The following FMNL2 variants were observed in gnomAD, a reference collection of about 807,000 sequenced individuals.
FMNL2 encodes the protein formin-like protein 2.
A neutral mutation model predicts 130.2 loss-of-function variants in FMNL2; 51 were observed. That is an observed-to-expected ratio of 0.39 (90% confidence interval 0.31 to 0.49). The LOEUF is 0.49. Ranked by LOEUF, FMNL2 falls within the 20% of genes least tolerant of loss-of-function variation. The pLI is 0.85. For missense variants in FMNL2, 977 were observed against 1,316.2 expected, an observed-to-expected ratio of 0.74 and a Z score of 3.99; for synonymous variants, 465 against 467.1, an observed-to-expected ratio of 1.00 and a Z score of 0.06.
chr2:152,355,494 T>G (rs1682732069), intron 1 of FMNL2, among the ~76,000 whole-genome samples: 1 of 152,202 alleles, frequency 6.6e-6, no homozygotes, highest in Non-Finnish European at 1.5e-5. Context: ...TTTAGGTTTT[T>G]CTCATGTCCC....
chr2:152,552,913 T>C (rs1695015129), intron 4 of FMNL2, among the ~76,000 whole-genome samples: 1 of 152,232 alleles, frequency 6.6e-6, no homozygotes, highest in South Asian at 2.1e-4. Context: ...AGGGAATTTA[T>C]TGTAGTAAAG....
rs144808799 is a variant in FMNL2 at position 152,379,736 on chromosome 2, A to T, written c.117+44016A>T. Reference sequence around the variant, plus strand: ...TGCCCTGTCAATAGCTTTATTATGTATGGCAAACACAATGCTAAGAAAACT... The same window carrying T: ...TGCCCTGTCAATAGCTTTATTATGTTTGGCAAACACAATGCTAAGAAAACT... On this transcript the variant is annotated intron_variant, in intron 1 of 25. Transcript: ENST00000288670. Among the ~76,000 whole-genome samples, 68 of 152,336 alleles carry T rather than the reference A, an allele frequency of 4.5e-4. 1 individual carries two copies. The highest frequency in any genetic ancestry group is 1.6e-3 in the African/African-American group (67 of 41,584).
chr2:152,569,523 A>G (rs1026317068), intron 6 of FMNL2, among the ~76,000 whole-genome samples: 1 of 149,368 alleles, frequency 6.7e-6, no homozygotes. Context: ...ATTTCTTAAA[A>G]GATATTTGCT....
At position 152,644,248 on chromosome 2, in the gene FMNL2, T is replaced by TA. The variant is rs1235702903; in HGVS notation, c.3169+3335dup. Among the ~76,000 whole-genome samples, 20 of 152,234 alleles carry TA rather than the reference T, an allele frequency of 1.3e-4. No homozygotes were observed. The East Asian group carries it at 3.7e-3, about 28-fold the overall frequency. On this transcript the variant is annotated intron_variant, in intron 25 of 25. Transcript: ENST00000288670. ...AAAAACAAAAACAAAAAACAAAACA[T>TA]ACTGTTCTAAGTAGGTTTACAGATA...
intron 1 of FMNL2, among the ~76,000 whole-genome samples, chr2:152,503,983 A>C (rs973512725): frequency 2.6e-5 from 4 of 152,172 alleles, no homozygotes; most frequent in Non-Finnish European, 5.9e-5. Context: ...TGAGATCAGG[A>C]GTTTGAGACC....
Position 152,487,874 on chromosome 2 carries a change from A to G in FMNL2, c.118-34069A>G, listed in dbSNP as rs180807343. ...GTGATCTTGGCTCACTGCAACCTCC[A>G]TCTCCTGGGTTCAAGTGATGCATGT... On this transcript the variant is annotated intron_variant, in intron 1 of 25. Coordinates refer to ENST00000288670, the MANE Select transcript of FMNL2 (RefSeq NM_052905.4). Among the ~76,000 whole-genome samples, 600 of 150,604 alleles carry G rather than the reference A, an allele frequency of 4.0e-3. 6 individuals are homozygous for G. Among genetic ancestry groups the G allele is most frequent in the African/African-American group, 0.014 (587 of 40,856 alleles).
At chr2:152,498,077 C>T (rs1015063693) in intron 1 of FMNL2, among the ~76,000 whole-genome samples, 1 of 152,186 alleles carries the variant, frequency 6.6e-6, no homozygotes, top group Admixed American at 6.5e-5. Context: ...CAGACCCACC[C>T]AGGATAATCC....
intron 15 of FMNL2, among the ~76,000 whole-genome samples, chr2:152,624,787 T>A (rs1342653232): frequency 2.0e-5 from 3 of 152,200 alleles, no homozygotes; most frequent in Non-Finnish European, 2.9e-5. Flanking sequence ...CAGCGAGCCA[T>A]GATTGCGGCA....
At chr2:152,380,487 T>C (rs2105894429) in intron 1 of FMNL2, among the ~76,000 whole-genome samples, 2 of 152,354 alleles carry the variant, frequency 1.3e-5, no homozygotes, top group African/African-American at 4.8e-5. Flanking sequence ...TTAAAATGTT[T>C]CACAATTTTG....
intron 2 of FMNL2, among the ~76,000 whole-genome samples, chr2:152,533,396 C>T (rs1693815371): frequency 1.3e-5 from 2 of 152,030 alleles, no homozygotes; most frequent in South Asian, 4.1e-4. Context: ...TCATGAACTA[C>T]CTTGGTATCT....
intron 2 of FMNL2, among the ~76,000 whole-genome samples, chr2:152,523,003 G>A (rs1300689779): frequency 5.9e-5 from 9 of 152,018 alleles, no homozygotes; most frequent in East Asian, 1.9e-4. Flanking sequence ...ACACCCCCGG[G>A]CCCCAATGCC....
At chr2:152,579,820 A>G (rs938926520) in intron 8 of FMNL2, among the ~76,000 whole-genome samples, 1 of 152,276 alleles carries the variant, frequency 6.6e-6, no homozygotes, top group Admixed American at 6.5e-5. Context: ...CGTAAAAGCC[A>G]GTCTTCATCA....
intron 9 of FMNL2, among the ~76,000 whole-genome samples, chr2:152,585,953 G>T (rs13414252): frequency 6.6e-6 from 1 of 150,486 alleles, no homozygotes; most frequent in Admixed American, 6.6e-5. Flanking sequence ...TCCTTCTGAA[G>T]TCAAAGAGGA....
intron 1 of FMNL2, among the ~76,000 whole-genome samples, chr2:152,383,668 T>C (rs1684624372): frequency 6.6e-6 from 1 of 152,210 alleles, no homozygotes; most frequent in Admixed American, 6.5e-5. Context: ...AGAATGGTTA[T>C]AGCAAACTTG....
chr2:152,414,859 G>A (rs568659136), intron 1 of FMNL2, among the ~76,000 whole-genome samples: 1 of 152,280 alleles, frequency 6.6e-6, no homozygotes, highest in East Asian at 1.9e-4. Context: ...CCATACCTGT[G>A]TACCTCAACA....
chr2:152,362,367 G>A lies in FMNL2; in HGVS notation c.117+26647G>A, dbSNP rs527378795. Among the ~76,000 whole-genome samples the A allele has an allele frequency of 1.4e-4, 22 of 152,250 alleles. No individual in the cohort carries two copies. The South Asian group carries it at 3.7e-3, about 26-fold the overall frequency. ...AGAATTAGATGTAAGTTTTAACTTT[G>A]CCTTTAATTGTTGCTGAAACTTTTA... On this transcript the variant is annotated intron_variant, in intron 1 of 25. Coordinates refer to ENST00000288670, the MANE Select transcript of FMNL2 (RefSeq NM_052905.4).
chr2:152,403,036 T>TA (rs763102241), intron 1 of FMNL2, among the ~76,000 whole-genome samples: 1 of 152,146 alleles, frequency 6.6e-6, no homozygotes, highest in Non-Finnish European at 1.5e-5. Context: ...AGGTGTTTTG[T>TA]AGAATACCCC....
chr2:152,425,787 G>A (rs1042642267), intron 1 of FMNL2, among the ~76,000 whole-genome samples: 5 of 152,328 alleles, frequency 3.3e-5, no homozygotes, highest in South Asian at 2.1e-4. Flanking sequence ...AAGTCAAGGT[G>A]TAATGCCTTT....
intron 1 of FMNL2, among the ~76,000 whole-genome samples, chr2:152,451,581 T>C (rs1688654157): frequency 6.6e-6 from 1 of 152,074 alleles, no homozygotes; most frequent in Non-Finnish European, 1.5e-5. Context: ...ATCAGCACCG[T>C]TTTATGGATG....
Sources: allele counts gnomAD v4.1 joint callset (sites outside exome capture counted in the v4.1 genomes callset), GRCh38; gene constraint gnomAD v4.1.1; transcripts MANE v1.5; gene names NCBI Gene and HGNC (gene_info 2026-07-23, HGNC 2026-07-21).